Variants in CEP89 observed in about 807,000 individuals in gnomAD.
CEP89 encodes the protein centrosomal protein of 89 kDa.
A neutral mutation model predicts 97.6 loss-of-function variants in CEP89; 95 were observed. The ratio of observed to expected loss-of-function variants is 0.97; its 90% confidence interval spans 0.82 to 1.15. The LOEUF (loss-of-function observed/expected upper bound fraction) is 1.15. Ranked by LOEUF, CEP89 falls within the 50% of genes most tolerant of loss-of-function variation. The probability of loss-of-function intolerance (pLI) is 0.00; values close to 1 mark genes in which losing one functional copy is unlikely to be tolerated. For synonymous variants in CEP89, 354 were observed against 349.1 expected (o/e 1.01, Z -0.16); for missense variants, 869 against 947.7 (o/e 0.92, Z 1.09).
At chr19:32,895,990 TC>T (rs1164636527) in intron 16 of CEP89, among the ~76,000 whole-genome samples, 1 of 152,128 alleles carries the variant, frequency 6.6e-6, no homozygotes, top group Non-Finnish European at 1.5e-5. Context: ...TGGAAAGACA[TC>T]CCATGATCAT....
chr19:32,891,205 T>C (rs1969509712), intron 16 of CEP89, among the ~76,000 whole-genome samples: 1 of 152,204 alleles, frequency 6.6e-6, no homozygotes, highest in Admixed American at 6.5e-5. Context: ...CGCACGTGCA[T>C]GTGCCCTGAA....
intron 6 of CEP89, 108 bp downstream of exon 6, chr19:32,939,749 C>CA: frequency 3.5e-6 from 2 of 568,856 alleles, no homozygotes; most frequent in South Asian, 1.9e-5. Context: ...ATTTTTGCCC[C>CA]AAAATCACCG....
rs1969190106 is a variant in CEP89, at chr19:32,877,161, G to A, written c.*2001C>T. On this transcript the variant is annotated 3_prime_UTR_variant, in exon 19 of 19. Transcript: ENST00000305768. ...TTCAATCCCAGTGAGTCTTTCTACC[G>A]CTTGTAAAATAAAATTAAATTACAA... 1 of 152,180 alleles carries A rather than the reference G, an allele frequency of 6.6e-6. No homozygotes were observed. The highest frequency in any genetic ancestry group is 2.1e-4 in the South Asian group (1 of 4,824). 9.4% of individuals were successfully genotyped at this position (152,180 alleles called of 1,614,324 possible). A position where few individuals can be genotyped will look rare whatever the true frequency, so the allele number is the denominator to read the frequency against.
chr19:32,930,762 C>T (rs1356222247), intron 9 of CEP89, among the ~76,000 whole-genome samples: 1 of 152,228 alleles, frequency 6.6e-6, no homozygotes, highest in Non-Finnish European at 1.5e-5. Flanking sequence ...GACTCTGCAA[C>T]TGTTCTTAGA....
At chr19:32,885,848 G>A (rs940627035) in intron 17 of CEP89, among the ~76,000 whole-genome samples, 4 of 152,058 alleles carry the variant, frequency 2.6e-5, no homozygotes, top group African/African-American at 4.8e-5. Flanking sequence ...ACTGTCCACC[G>A]AATCCTTTGC....
rs1036229694 is a variant in CEP89, at chr19:32,927,253, T to C, written c.1030-269A>G. Among the ~76,000 whole-genome samples, 3 of 152,186 alleles carry C rather than the reference T, an allele frequency of 2.0e-5. No homozygotes were observed. The East Asian group carries it at 5.8e-4, about 29-fold the overall frequency. On this transcript the variant is annotated intron_variant, in intron 9 of 18. Coordinates refer to ENST00000305768, the MANE Select transcript of CEP89 (RefSeq NM_032816.5). ...ATATATGTATATATGAGAGAAATAT[T>C]TTTTCTGAAATGTTTTAGAGTAATT...
intron 14 of CEP89, among the ~76,000 whole-genome samples, chr19:32,902,722 G>T (rs1291820438): frequency 2.6e-5 from 4 of 152,168 alleles, no homozygotes; most frequent in African/African-American, 9.7e-5. Context: ...GGAATTTCCA[G>T]GGCAGGGCAG....
At chr19:32,894,812 C>A (rs73926185) in intron 16 of CEP89, among the ~76,000 whole-genome samples, 12,376 of 152,222 alleles carry the variant, frequency 0.081, 1,574 homozygotes, top group African/African-American at 0.27. Flanking sequence ...CTCAGAGTGA[C>A]TTCTGCTATG....
intron 3 of CEP89, among the ~76,000 whole-genome samples, chr19:32,954,109 G>A (rs1276191375): frequency 6.6e-6 from 1 of 151,776 alleles, no homozygotes; most frequent in Non-Finnish European, 1.5e-5. Context: ...TCCTGACCTC[G>A]TGATCCGCCC....
intron 4 of CEP89, 108 bp downstream of exon 4, chr19:32,953,507 T>G (rs570220968): frequency 1.2e-6 from 1 of 837,742 alleles, no homozygotes; most frequent in Admixed American, 2.4e-5. Flanking sequence ...CCAAAGCAAA[T>G]GCTATCAAAT....
At chr19:32,942,812 T>A (rs1016840394) in intron 5 of CEP89, among the ~76,000 whole-genome samples, 1 of 151,668 alleles carries the variant, frequency 6.6e-6, no homozygotes, top group Non-Finnish European at 1.5e-5. Context: ...GGCATACTCC[T>A]GCTGCATACA....
intron 5 of CEP89, among the ~76,000 whole-genome samples, chr19:32,946,274 C>T (rs1970796146): frequency 6.6e-6 from 1 of 152,044 alleles, no homozygotes; most frequent in East Asian, 1.9e-4. Context: ...GCTCCCAAAC[C>T]TGTTATTATT....
chr19:32,932,785 T>C (rs557813788), intron 8 of CEP89, among the ~76,000 whole-genome samples: 4 of 143,598 alleles, frequency 2.8e-5, no homozygotes, highest in Non-Finnish European at 6.1e-5. Context: ...TAAAAAAAAT[T>C]AAAAAAAAAA....
intron 8 of CEP89, 152 bp downstream of exon 8, chr19:32,933,299 A>C (rs1375715128): frequency 3.1e-6 from 2 of 645,824 alleles, no homozygotes; most frequent in Non-Finnish European, 5.3e-6. Context: ...ATGAAATCAA[A>C]TCTCAACAAA....
chr19:32,959,878 G>A, intron 3 of CEP89, 22 bp downstream of exon 3: 5 of 1,613,310 alleles, frequency 3.1e-6, no homozygotes, highest in East Asian at 2.2e-5. Flanking sequence ...AGAGGAAGCA[G>A]AGGCGGCGAT....
chr19:32,907,010 T>G (rs1312786945), intron 14 of CEP89, among the ~76,000 whole-genome samples: 2 of 152,140 alleles, frequency 1.3e-5, no homozygotes, highest in Non-Finnish European at 2.9e-5. Flanking sequence ...CACCCAGGAC[T>G]TTCTTAAAAC....
At chr19:32,938,400 T>C (rs1970620693) in intron 6 of CEP89, among the ~76,000 whole-genome samples, 1 of 152,076 alleles carries the variant, frequency 6.6e-6, no homozygotes, top group Admixed American at 6.5e-5. Context: ...GGGAAGCACA[T>C]TTGCAAAATG....
intron 1 of CEP89, chr19:32,971,097 G>A (rs886871918): frequency 8.6e-5 from 14 of 163,710 alleles, no homozygotes; most frequent in African/African-American, 1.2e-4. Context: ...GGGGAAGGGC[G>A]AGAGTGGAAG....
intron 14 of CEP89, among the ~76,000 whole-genome samples, chr19:32,914,800 T>C (rs1280664878): frequency 6.6e-6 from 1 of 151,960 alleles, no homozygotes; most frequent in Non-Finnish European, 1.5e-5. Flanking sequence ...GGCAGGCAGA[T>C]CACTTGTGGT....
Sources: allele counts gnomAD v4.1 joint callset (sites outside exome capture counted in the v4.1 genomes callset), GRCh38; gene constraint gnomAD v4.1.1; transcripts MANE v1.5; gene names NCBI Gene and HGNC (gene_info 2026-07-23, HGNC 2026-07-21).